The following MEF2C variants were observed in gnomAD, a reference collection of about 807,000 sequenced individuals.
MEF2C encodes myocyte-specific enhancer factor 2C.
Under a neutral mutation model 50.5 loss-of-function variants are expected in MEF2C, and 6 were observed. The observed-to-expected ratio is 0.12, with a 90% CI of 0.07 to 0.23. The LOEUF (loss-of-function observed/expected upper bound fraction) is 0.23. MEF2C is among the 10% of genes least tolerant of loss of function. The pLI, the probability that MEF2C is intolerant of heterozygous loss-of-function variation, is 1.00. For missense variants in MEF2C, 276 were observed against 605.0 expected, an observed-to-expected ratio of 0.46 and a Z score of 5.70; for synonymous variants, 183 against 228.0, an observed-to-expected ratio of 0.80 and a Z score of 1.78.
chr5:88,877,761 C>T (rs568958207), intron 1 of MEF2C, among the ~76,000 whole-genome samples: 7 of 151,934 alleles, frequency 4.6e-5, no homozygotes, highest in East Asian at 1.9e-4. Flanking sequence ...AGTTATTTCA[C>T]GCATGAATGT....
At chr5:88,740,780 T>TA in intron 6 of MEF2C, 1 of 985,388 alleles carries the variant, frequency 1.0e-6, no homozygotes, top group African/African-American at 1.7e-5. Flanking sequence ...ACACTATCTT[T>TA]AAAAAATTCC....
intron 4 of MEF2C, among the ~76,000 whole-genome samples, chr5:88,755,262 G>A (rs748062125): frequency 1.4e-4 from 22 of 152,034 alleles, no homozygotes; most frequent in Non-Finnish European, 2.8e-4. Context: ...AGCAGGCACT[G>A]TGCTGTATAG....
intron 1 of MEF2C, among the ~76,000 whole-genome samples, chr5:88,877,149 A>G (rs1196619865): frequency 6.6e-6 from 1 of 152,086 alleles, no homozygotes; most frequent in Non-Finnish European, 1.5e-5. Context: ...ATTATTTAAG[A>G]GTAATGATTC....
intron 3 of MEF2C, among the ~76,000 whole-genome samples, chr5:88,777,384 C>G (rs1412707494): frequency 1.3e-5 from 2 of 152,170 alleles, no homozygotes; most frequent in Non-Finnish European, 2.9e-5. Context: ...ACAAGCTACT[C>G]TTCCACAATG....
At chr5:88,866,053 G>A (rs1456657390) in intron 1 of MEF2C, among the ~76,000 whole-genome samples, 1 of 151,908 alleles carries the variant, frequency 6.6e-6, no homozygotes, top group African/African-American at 2.4e-5. Flanking sequence ...CCGCAACCAC[G>A]CCCGGCTAAT....
chr5:88,827,473 G>A (rs1030429695), intron 1 of MEF2C, among the ~76,000 whole-genome samples: 4 of 152,084 alleles, frequency 2.6e-5, no homozygotes, highest in South Asian at 2.1e-4. Context: ...GAGCAGAACC[G>A]TCTGAGTGTG....
chr5:88,730,428 G>T (rs1760944424), intron 7 of MEF2C, among the ~76,000 whole-genome samples, 194 bp from the exon 8 acceptor site: 1 of 152,122 alleles, frequency 6.6e-6, no homozygotes, highest in African/African-American at 2.4e-5. Context: ...TCTCAAATGT[G>T]AAGACAATCT....
chr5:88,723,578 T>C (rs1355938492), intron 10 of MEF2C, among the ~76,000 whole-genome samples: 2 of 152,204 alleles, frequency 1.3e-5, no homozygotes, highest in Non-Finnish European at 2.9e-5. Context: ...AGTTTAAACG[T>C]TGGTTTTCAA....
At chr5:88,758,042 C>T (rs1776175478) in intron 4 of MEF2C, among the ~76,000 whole-genome samples, 1 of 152,124 alleles carries the variant, frequency 6.6e-6, no homozygotes, top group Non-Finnish European at 1.5e-5. Context: ...GTTTAGGTCC[C>T]ATCCTCCTTC....
intron 6 of MEF2C, chr5:88,738,090 A>G: frequency 2.0e-6 from 2 of 985,362 alleles, no homozygotes; most frequent in Non-Finnish European, 2.4e-6. Flanking sequence ...GGGGACAAAA[A>G]AAAGATAAGG....
At chr5:88,840,106 A>G (rs921418755) in intron 1 of MEF2C, among the ~76,000 whole-genome samples, 3 of 152,162 alleles carry the variant, frequency 2.0e-5, no homozygotes, top group African/African-American at 7.2e-5. Context: ...CCGTACCCAA[A>G]TTATTTCACA....
chr5:88,729,754 T>C (rs1319210743), intron 8 of MEF2C, among the ~76,000 whole-genome samples: 6 of 151,924 alleles, frequency 3.9e-5, no homozygotes, highest in Admixed American at 3.9e-4. Context: ...AGCAAATGAG[T>C]AGGGGCTCAT....
upstream of MEF2C, chr5:88,883,813 C>T (rs1833676234): frequency 6.6e-6 from 1 of 152,110 alleles, no homozygotes; most frequent in Non-Finnish European, 1.5e-5. Context: ...TACAGCAGCT[C>T]CCTCCTCACC....
intron 1 of MEF2C, among the ~76,000 whole-genome samples, chr5:88,861,193 TAG>T (rs1468847469): frequency 6.6e-6 from 1 of 152,258 alleles, no homozygotes; most frequent in Non-Finnish European, 1.5e-5. Flanking sequence ...TTCAAAGTTG[TAG>T]AGATTTTGAA....
At chr5:88,895,557 C>T (rs904109936) in intron 1 of MEF2C, among the ~76,000 whole-genome samples, 3 of 152,088 alleles carry the variant, frequency 2.0e-5, no homozygotes, top group Non-Finnish European at 4.4e-5. Context: ...CTATTAGATC[C>T]CAGTGAACTC....
chr5:88,751,139 A>T (rs1218625330), intron 5 of MEF2C: 1 of 969,278 alleles, frequency 1.0e-6, no homozygotes, highest in Non-Finnish European at 1.2e-6. Context: ...CAAAATAGAC[A>T]TATATTAAAT....
chr5:88,760,184 T>G (rs903309854), intron 4 of MEF2C, among the ~76,000 whole-genome samples: 4 of 152,256 alleles, frequency 2.6e-5, no homozygotes, highest in African/African-American at 9.6e-5. Flanking sequence ...ATTATTTGAT[T>G]GATGACAGAA....
In MEF2C at chr5:88,830,239, C is replaced by T. The variant is rs560761074; in HGVS notation, c.-142-6309G>A. On this transcript the variant is annotated intron_variant, in intron 1 of 10. Coordinates refer to ENST00000504921, the MANE Select transcript of MEF2C (RefSeq NM_002397.5). ...AATACATCAATTTTCCCCATGACCA[C>T]GGCTGCTGAAAACTCTACATTAATG... Among the ~76,000 whole-genome samples the T allele has an allele frequency of 3.3e-5, 5 of 152,164 alleles. No individual in the cohort carries two copies. The South Asian group carries it at 6.2e-4, about 19-fold the overall frequency.
At chr5:88,783,007 C>T (rs191854281) in intron 3 of MEF2C, among the ~76,000 whole-genome samples, 5 of 152,226 alleles carry the variant, frequency 3.3e-5, no homozygotes, top group African/African-American at 4.8e-5. Context: ...TTTCTTGTGA[C>T]TCTTTGCATA....
Sources: gnomAD v4.1 joint callset for allele counts (sites outside exome capture counted in the v4.1 genomes callset) on GRCh38, gnomAD v4.1.1 for gene constraint, MANE v1.5 for transcripts, NCBI Gene and HGNC (gene_info 2026-07-23, HGNC 2026-07-21) for gene names.